MEGF9: variants seen among roughly 807,000 people sequenced by gnomAD.
The protein encoded by MEGF9 is multiple epidermal growth factor-like domains protein 9.
Under a neutral mutation model 46.8 loss-of-function variants are expected in MEGF9, and 6 were observed. The ratio of observed to expected loss-of-function variants is 0.13; its 90% CI spans 0.07 to 0.25. The LOEUF (loss-of-function observed/expected upper bound fraction) is 0.25, where lower values mean the gene tolerates loss of function less well. Ranked by LOEUF, MEGF9 falls within the 10% of genes least tolerant of loss-of-function variation. The pLI, the probability that MEGF9 is intolerant of heterozygous loss-of-function variation, is 1.00. For missense variants in MEGF9, 683 were observed against 792.4 expected (o/e 0.86, Z 1.66); for synonymous variants, 302 against 330.7 (o/e 0.91, Z 0.94).
chr9:120,611,120 G>A (rs1182660669), intron 4 of MEGF9, among the ~76,000 whole-genome samples: 2 of 152,206 alleles, frequency 1.3e-5, no homozygotes, highest in Non-Finnish European at 1.5e-5. Flanking sequence ...GGAAAATTTG[G>A]AACCTACATA....
chr9:120,635,255 A>G (rs964213464), intron 2 of MEGF9, among the ~76,000 whole-genome samples: 2 of 152,168 alleles, frequency 1.3e-5, no homozygotes, highest in Admixed American at 1.3e-4. Flanking sequence ...CTCTCTTTGT[A>G]TATGACTTTG....
At chr9:120,672,390 C>A (rs2043753375) in intron 1 of MEGF9, among the ~76,000 whole-genome samples, 1 of 151,768 alleles carries the variant, frequency 6.6e-6, no homozygotes, top group African/African-American at 2.4e-5. Context: ...TCCAGGAGTT[C>A]AAGACCAGCC....
intron 2 of MEGF9, among the ~76,000 whole-genome samples, chr9:120,631,079 CTA>C (rs2043548707): frequency 6.6e-6 from 1 of 152,172 alleles, no homozygotes; most frequent in South Asian, 2.1e-4. Context: ...AACATTTCTT[CTA>C]TGTTTTCTGC....
intron 1 of MEGF9, among the ~76,000 whole-genome samples, chr9:120,704,574 C>T (rs974596132): frequency 5.9e-5 from 9 of 152,134 alleles, no homozygotes; most frequent in African/African-American, 1.9e-4. Flanking sequence ...ACAAAATAAA[C>T]TTAAAAGACA....
At chr9:120,703,557 T>C (rs1317858285) in intron 1 of MEGF9, among the ~76,000 whole-genome samples, 3 of 152,216 alleles carry the variant, frequency 2.0e-5, no homozygotes, top group African/African-American at 7.2e-5. Context: ...TTAATATTAG[T>C]TACCTTCCCT....
rs10984971 is a variant in MEGF9 at position 120,642,230 on chromosome 9, C to T, written c.803+17144G>A. 0.025 allele frequency among the ~76,000 whole-genome samples: 3,802 copies of T among 152,238 alleles called. 249 individuals carry two copies. In the East Asian group the frequency reaches 0.27, roughly 11 times the overall value. ...TTGCCTTCTGTTCAGTATTTATTTTCATTGTAGCCCAGGTCTGATTTCTAG... is the reference window on the plus strand; with the variant it reads ...TTGCCTTCTGTTCAGTATTTATTTTTATTGTAGCCCAGGTCTGATTTCTAG... On this transcript the variant is annotated intron_variant, in intron 2 of 5. Transcript: ENST00000373930.
chr9:120,667,681 A>G (rs1027569669), intron 1 of MEGF9, among the ~76,000 whole-genome samples: 2 of 152,244 alleles, frequency 1.3e-5, no homozygotes, highest in Non-Finnish European at 2.9e-5. Flanking sequence ...AATCAAGAGT[A>G]GGAATACACA....
chr9:120,699,891 C>T lies in MEGF9; in HGVS notation c.601+13867G>A, dbSNP rs144716646. Among the ~76,000 whole-genome samples, 322 of 152,110 alleles carry T rather than the reference C, an allele frequency of 2.1e-3. 1 individual carries two copies. Among genetic ancestry groups the T allele is most frequent in the African/African-American group, 7.3e-3 (302 of 41,476 alleles). On this transcript the variant is annotated intron_variant, in intron 1 of 5. Transcript: ENST00000373930. ...AAAAATAATACTAAAGGACCTCAAA[C>T]CTTTGGAAAACACCATAATTGTTAA...
At position 120,602,059 on chromosome 9, in the gene MEGF9, G is replaced by A. The variant is rs1022562187; in HGVS notation, c.*3131C>T. 1 of 152,150 alleles carries A rather than the reference G, an allele frequency of 6.6e-6. No homozygotes were observed. Among genetic ancestry groups the A allele is most frequent in the African/African-American group, 2.4e-5 (1 of 41,402 alleles). 9.4% of individuals were successfully genotyped at this position (152,150 alleles called of 1,614,324 possible). On this transcript the variant is annotated 3_prime_UTR_variant, in exon 6 of 6. Transcript: ENST00000373930. ...GAGTCTTGCTCTGTCGCCCAGGCTG[G>A]AGTGAAATGGCGCCATCTCGGCTCA...
chr9:120,636,751 G>A (rs1488188354), intron 2 of MEGF9, among the ~76,000 whole-genome samples: 2 of 151,246 alleles, frequency 1.3e-5, no homozygotes, highest in Admixed American at 6.6e-5. Flanking sequence ...GAGCGCCTCC[G>A]CCCGGCCGCC....
intron 1 of MEGF9, among the ~76,000 whole-genome samples, chr9:120,687,103 C>T (rs896137549): frequency 2.0e-5 from 3 of 152,158 alleles, no homozygotes; most frequent in African/African-American, 4.8e-5. Flanking sequence ...AATGGTTACA[C>T]ATAAAATTTA....
intron 2 of MEGF9, among the ~76,000 whole-genome samples, chr9:120,656,546 CAA>C (rs11446439): frequency 0.023 from 2,050 of 88,790 alleles, 30 homozygotes; most frequent in African/African-American, 0.089. Flanking sequence ...GACTCCGTCT[CAA>C]AAAAAAAAAA....
intron 3 of MEGF9, among the ~76,000 whole-genome samples, chr9:120,617,897 C>G (rs1379408204): frequency 6.6e-6 from 1 of 151,874 alleles, no homozygotes; most frequent in East Asian, 1.9e-4. Flanking sequence ...TAAAAAGGAG[C>G]AAAATCAAAA....
intron 2 of MEGF9, among the ~76,000 whole-genome samples, chr9:120,628,861 G>C (rs935339292): frequency 1.3e-5 from 2 of 152,152 alleles, no homozygotes; most frequent in Non-Finnish European, 2.9e-5. Context: ...GCTTGCAAAA[G>C]CACAAGAGAT....
At chr9:120,611,682 T>C (rs975597969) in intron 4 of MEGF9, among the ~76,000 whole-genome samples, 6 of 152,110 alleles carry the variant, frequency 3.9e-5, no homozygotes, top group Non-Finnish European at 8.8e-5. Context: ...ATTGTGGTCA[T>C]GGTTGCAAAA....
intron 2 of MEGF9, among the ~76,000 whole-genome samples, chr9:120,657,632 G>A (rs893878723): frequency 2.0e-5 from 3 of 152,164 alleles, no homozygotes; most frequent in Non-Finnish European, 2.9e-5. Context: ...CTTTTAAAAC[G>A]GTAAGCAATG....
At chr9:120,671,087 CT>C (rs1476535179) in intron 1 of MEGF9, among the ~76,000 whole-genome samples, 1 of 152,202 alleles carries the variant, frequency 6.6e-6, no homozygotes, top group Admixed American at 6.5e-5. Flanking sequence ...CCATATTCTG[CT>C]TAACTATTTT....
chr9:120,700,847 G>A (rs1310628244), intron 1 of MEGF9, among the ~76,000 whole-genome samples: 1 of 152,056 alleles, frequency 6.6e-6, no homozygotes, highest in Admixed American at 6.6e-5. Flanking sequence ...TTGGGAGGCT[G>A]AGGTGGGCAG....
At chr9:120,709,037 G>A (rs570954679) in intron 1 of MEGF9, among the ~76,000 whole-genome samples, 22 of 152,294 alleles carry the variant, frequency 1.4e-4, no homozygotes, top group Non-Finnish European at 2.1e-4. Context: ...GAAGGAATGA[G>A]GCAACTGCCC....
Sources: gnomAD v4.1 joint callset for allele counts (sites outside exome capture counted in the v4.1 genomes callset) on GRCh38, gnomAD v4.1.1 for gene constraint, MANE v1.5 for transcripts, NCBI Gene and HGNC (gene_info 2026-07-23, HGNC 2026-07-21) for gene names.